The following RBFOX1 variants were observed in gnomAD, a reference collection of about 807,000 sequenced individuals.
RBFOX1 encodes RNA binding fox-1 homolog 1, also known as RNA binding protein fox-1 homolog 1.
A neutral mutation model predicts 57.7 loss-of-function variants in RBFOX1; 8 were observed. The observed-to-expected ratio is 0.14, with a 90% confidence interval of 0.08 to 0.25. The LOEUF (loss-of-function observed/expected upper bound fraction) is 0.25. Ranked by LOEUF, RBFOX1 falls within the 10% of genes least tolerant of loss-of-function variation. The pLI is 1.00. For synonymous variants in RBFOX1, 326 were observed against 222.4 expected, an observed-to-expected ratio of 1.47 and a Z score of -4.15; for missense variants, 611 against 548.5, an observed-to-expected ratio of 1.11 and a Z score of -1.14.
At chr16:6,396,133 T>C (rs192880936) in intron 2 of RBFOX1, among the ~76,000 whole-genome samples, 65 of 151,420 alleles carry the variant, frequency 4.3e-4, no homozygotes, top group African/African-American at 1.5e-3. Context: ...GAGTAGCTTG[T>C]TTTGGAGTAA....
chr16:6,884,345 C>T (rs1692666321), intron 3 of RBFOX1, among the ~76,000 whole-genome samples: 1 of 152,172 alleles, frequency 6.6e-6, no homozygotes, highest in South Asian at 2.1e-4. Context: ...CTGGCAGCTT[C>T]TTCCAAAGTC....
intron 3 of RBFOX1, among the ~76,000 whole-genome samples, chr16:6,689,982 A>G (rs889991781): frequency 5.9e-5 from 9 of 152,342 alleles, no homozygotes; most frequent in Admixed American, 5.2e-4. Context: ...GCAAGCTGAT[A>G]GAAAATCAGC....
intron 2 of RBFOX1, among the ~76,000 whole-genome samples, chr16:6,460,258 C>CTG (rs1491253497): frequency 2.6e-5 from 4 of 152,038 alleles, no homozygotes; most frequent in South Asian, 2.1e-4. Flanking sequence ...GTGTTTTTCC[C>CTG]TGTGTGTGTG....
intron 2 of RBFOX1, among the ~76,000 whole-genome samples, chr16:6,525,177 G>A (rs2096561626): frequency 6.6e-6 from 1 of 152,194 alleles, no homozygotes; most frequent in South Asian, 2.1e-4. Flanking sequence ...ACTATAGTAA[G>A]TGTTAGAAGG....
At position 7,601,775 on chromosome 16, in the gene RBFOX1, G is replaced by T. The variant is rs545051961; in HGVS notation, c.622+4344G>T. 2.6e-5 allele frequency among the ~76,000 whole-genome samples: 4 copies of T among 152,256 alleles called. 1 individual carries two copies. The South Asian group carries it at 6.2e-4, about 24-fold the overall frequency. On this transcript the variant is annotated intron_variant, in intron 9 of 15. Transcript: ENST00000550418. ...GACCACCTCTAATAAGTCTGTCTGT[G>T]AGGCATTCTCAACTTAAAGTTACCA...
chr16:6,942,759 G>T lies in RBFOX1; in HGVS notation c.-15-109298G>T, dbSNP rs117236143. Among the ~76,000 whole-genome samples the T allele has an allele frequency of 5.4e-3, 828 of 152,204 alleles. 4 individuals are homozygous for T. Among genetic ancestry groups the T allele is most frequent in the Non-Finnish European group, 8.9e-3 (602 of 68,006 alleles). On this transcript the variant is annotated intron_variant, in intron 3 of 15. Transcript: ENST00000550418. ...CTCTTGAGAGACAGACTCACAAGCAGGTAAAAAATAAGGGCAAATGGTTTT... is the reference window on the plus strand; with the variant it reads ...CTCTTGAGAGACAGACTCACAAGCATGTAAAAAATAAGGGCAAATGGTTTT...
intron 2 of RBFOX1, among the ~76,000 whole-genome samples, chr16:5,588,534 T>C (rs1027563118): frequency 3.9e-5 from 6 of 152,194 alleles, no homozygotes; most frequent in Non-Finnish European, 7.3e-5. Context: ...CACTTCATCT[T>C]CAGTGGCATC....
chr16:6,892,019 T>A (rs1173813236), intron 3 of RBFOX1, among the ~76,000 whole-genome samples: 1 of 152,232 alleles, frequency 6.6e-6, no homozygotes, highest in Non-Finnish European at 1.5e-5. Flanking sequence ...TCTTCTGTGT[T>A]GCCTACTTAG....
intron 5 of RBFOX1, among the ~76,000 whole-genome samples, chr16:7,550,400 A>T (rs1601596159): frequency 6.6e-6 from 1 of 151,810 alleles, no homozygotes; most frequent in Non-Finnish European, 1.5e-5. Context: ...CCAGAGGGGG[A>T]CCTTTATGAT....
chr16:6,207,017 A>G (rs980801957), intron 1 of RBFOX1, among the ~76,000 whole-genome samples: 35 of 151,760 alleles, frequency 2.3e-4, no homozygotes, highest in Admixed American at 2.3e-3. Context: ...ACTTGCTTAA[A>G]AAAAAATTAA....
intron 4 of RBFOX1, among the ~76,000 whole-genome samples, chr16:7,493,430 G>A (rs1306899410): frequency 6.6e-6 from 1 of 152,186 alleles, no homozygotes; most frequent in African/African-American, 2.4e-5. Flanking sequence ...TGGAACCTGC[G>A]AGTGTTACTG....
chr16:7,658,923 C>G (rs1427918413), intron 12 of RBFOX1, among the ~76,000 whole-genome samples: 1 of 152,182 alleles, frequency 6.6e-6, no homozygotes, highest in African/African-American at 2.4e-5. Flanking sequence ...CAGGGTTTCA[C>G]CATATTGGCC....
chr16:6,296,611 G>A (rs768615961), intron 1 of RBFOX1, among the ~76,000 whole-genome samples: 14 of 152,166 alleles, frequency 9.2e-5, no homozygotes, highest in Middle Eastern at 3.4e-3. Context: ...TAGTAGAGAC[G>A]CGGTTTCACC....
At chr16:5,464,710 G>A (rs911151275) in intron 1 of RBFOX1, among the ~76,000 whole-genome samples, 1 of 152,230 alleles carries the variant, frequency 6.6e-6, no homozygotes, top group Non-Finnish European at 1.5e-5. Flanking sequence ...TGGATGGCAA[G>A]AAGCAAAGAA....
rs535289028 is a variant in RBFOX1, at chr16:6,091,058, C to G, written c.-127+71066C>G. Among the ~76,000 whole-genome samples the G allele has an allele frequency of 3.9e-5, 6 of 152,156 alleles. No homozygotes were observed. In the South Asian group the frequency reaches 1.0e-3, roughly 26 times the overall value. On this transcript the variant is annotated intron_variant, in intron 1 of 15. Transcript: ENST00000550418. ...ATTGATCAATTCTTTCTGTTGGCAA[C>G]TTTTCAAATCTTCTTTTCTAGCTAT...
chr16:6,315,536 G>GATGGATGGATGGATAC, intron 1 of RBFOX1, among the ~76,000 whole-genome samples: 1 of 34,902 alleles, frequency 2.9e-5, no homozygotes, highest in African/African-American at 2.2e-4. Flanking sequence ...TGAGTACATG[G>GATGGATGGATGGATAC]ATGGATGGAT....
chr16:6,666,933 A>G (rs1408746040), intron 3 of RBFOX1, among the ~76,000 whole-genome samples: 1 of 152,170 alleles, frequency 6.6e-6, no homozygotes, highest in Non-Finnish European at 1.5e-5. Context: ...GCAGTGCCTC[A>G]CTTGCCAGCA....
chr16:7,308,758 G>C (rs1349935047), intron 4 of RBFOX1, among the ~76,000 whole-genome samples: 2 of 152,198 alleles, frequency 1.3e-5, no homozygotes, highest in African/African-American at 2.4e-5. Context: ...GGGGAAGATG[G>C]GCTCTCGCGC....
intron 5 of RBFOX1, among the ~76,000 whole-genome samples, chr16:7,555,897 G>A (rs892255441): frequency 6.6e-6 from 1 of 152,116 alleles, no homozygotes; most frequent in African/African-American, 2.4e-5. Flanking sequence ...TGCTCTGATT[G>A]ATTAGGTTAT....
Sources: allele counts gnomAD v4.1 joint callset (sites outside exome capture counted in the v4.1 genomes callset), GRCh38; gene constraint gnomAD v4.1.1; transcripts MANE v1.5; gene names NCBI Gene and HGNC (gene_info 2026-07-23, HGNC 2026-07-21).